Variants in CDH13 observed in about 807,000 individuals in gnomAD.
CDH13 encodes the protein cadherin-13.
A neutral mutation model predicts 63.8 loss-of-function variants in CDH13; 24 were observed. The ratio of observed to expected loss-of-function variants is 0.38; its 90% CI spans 0.27 to 0.53. The LOEUF (loss-of-function observed/expected upper bound fraction) is 0.53, where lower values mean the gene tolerates loss of function less well. Among genes scored for constraint, CDH13 ranks in the 20% least tolerant of loss-of-function variants. The probability of loss-of-function intolerance (pLI) is 0.85; values close to 1 mark genes in which losing one functional copy is unlikely to be tolerated. For missense variants in CDH13, 1,049 were observed against 903.1 expected (o/e 1.16, Z -2.07); for synonymous variants, 503 against 355.3 (o/e 1.42, Z -4.67).
intron 6 of CDH13, among the ~76,000 whole-genome samples, chr16:83,389,476 T>A (rs1373474835): frequency 6.6e-6 from 1 of 152,228 alleles, no homozygotes; most frequent in Non-Finnish European, 1.5e-5. Context: ...TAGGAGCCAA[T>A]CCAGATGGAT....
At position 83,080,874 on chromosome 16, in the gene CDH13, T is replaced by TTTTTTTTTTTG. The variant is rs2033190922; in HGVS notation, c.367-44501_367-44500insGTTTTTTTTTT. Among the ~76,000 whole-genome samples, 4 of 88,482 alleles carry TTTTTTTTTTTG rather than the reference T, an allele frequency of 4.5e-5. 2 individuals are homozygous for TTTTTTTTTTTG. Among genetic ancestry groups the TTTTTTTTTTTG allele is most frequent in the African/African-American group, 1.0e-4 (2 of 19,538 alleles). The allele number at this position is 88,482 out of a possible 152,430, so 58.0% of individuals were successfully genotyped here. A position where few individuals can be genotyped will look rare whatever the true frequency, so the allele number is the denominator to read the frequency against. On this transcript the variant is annotated intron_variant, in intron 3 of 13. Coordinates refer to ENST00000567109, the MANE Select transcript of CDH13 (RefSeq NM_001257.5). ...TAGAGTTTTGTTTTGTTTTTGTGTTTTTTTTTTTTTTTTTTTTTTTTTTTG... is the reference window on the plus strand; with the variant it reads ...TAGAGTTTTGTTTTGTTTTTGTGTTTTTTTTTTTTTGTTTTTTTTTTTTTTTTTTTTTTTTG...
At chr16:83,670,109 T>C (rs1197309820) in intron 8 of CDH13, among the ~76,000 whole-genome samples, 1 of 152,212 alleles carries the variant, frequency 6.6e-6, no homozygotes, top group Non-Finnish European at 1.5e-5. Flanking sequence ...GATGATTTCT[T>C]AGAAAATGGT....
chr16:83,061,984 C>A (rs1243032676), intron 3 of CDH13, among the ~76,000 whole-genome samples: 1 of 152,086 alleles, frequency 6.6e-6, no homozygotes, highest in Non-Finnish European at 1.5e-5. Flanking sequence ...GTGAGCTGGG[C>A]AGGGTGACAA....
At chr16:83,667,551 C>G (rs1914106915) in intron 8 of CDH13, among the ~76,000 whole-genome samples, 1 of 152,134 alleles carries the variant, frequency 6.6e-6, no homozygotes, top group Non-Finnish European at 1.5e-5. Context: ...AGGATCAGGG[C>G]TGAGTCATCC....
chr16:82,934,500 C>A (rs944055911), intron 2 of CDH13, among the ~76,000 whole-genome samples: 1 of 152,212 alleles, frequency 6.6e-6, no homozygotes, highest in Non-Finnish European at 1.5e-5. Context: ...GCAATTTCCC[C>A]ATTGTCTTGG....
rs367566858 is a variant in CDH13, at chr16:82,686,018, A to C, written c.45+58881A>C. On this transcript the variant is annotated intron_variant, in intron 1 of 13. Coordinates refer to ENST00000567109, the MANE Select transcript of CDH13 (RefSeq NM_001257.5). The stretch of plus-strand genomic sequence containing the variant: ...AAAGAGTACCATATTTCTCTTCTGC[A>C]TTATCCCTAGTGAATTACAATTTTT... 4.1e-4 allele frequency among the ~76,000 whole-genome samples: 62 copies of C among 152,316 alleles called. 1 individual carries two copies. Among genetic ancestry groups the C allele is most frequent in the African/African-American group, 1.3e-3 (54 of 41,564 alleles).
intron 4 of CDH13, among the ~76,000 whole-genome samples, chr16:83,172,224 C>T (rs2037950143): frequency 6.6e-6 from 1 of 152,142 alleles, no homozygotes; most frequent in African/African-American, 2.4e-5. Context: ...GGTACGGTGG[C>T]TCATGCCTGT....
chr16:83,476,671 T>C (rs898911463), intron 6 of CDH13, among the ~76,000 whole-genome samples: 5 of 152,110 alleles, frequency 3.3e-5, no homozygotes, highest in Admixed American at 2.6e-4. Context: ...AAAGCGAGAC[T>C]GTCTCAAAAA....
chr16:82,662,934 C>A (rs937222570), intron 1 of CDH13, among the ~76,000 whole-genome samples: 1 of 152,128 alleles, frequency 6.6e-6, no homozygotes, highest in Non-Finnish European at 1.5e-5. Context: ...TGCCTTCTCC[C>A]ATATGACAAA....
intron 2 of CDH13, among the ~76,000 whole-genome samples, chr16:82,885,757 A>G (rs776988107): frequency 6.6e-6 from 1 of 152,200 alleles, no homozygotes; most frequent in Admixed American, 6.5e-5. Flanking sequence ...TGTATGTATC[A>G]TGCACTTTCT....
intron 1 of CDH13, among the ~76,000 whole-genome samples, chr16:82,833,549 T>A (rs546760584): frequency 6.6e-6 from 1 of 152,352 alleles, no homozygotes; most frequent in Non-Finnish European, 1.5e-5. Context: ...AGTGCTTCCC[T>A]TCTGGACCTC....
intron 2 of CDH13, among the ~76,000 whole-genome samples, chr16:82,862,168 C>T (rs187633939): frequency 7.9e-5 from 12 of 152,238 alleles, no homozygotes; most frequent in South Asian, 6.2e-4. Flanking sequence ...TCCCCAAACA[C>T]GACAATTGTG....
chr16:83,613,367 G>T (rs903175789), intron 8 of CDH13, among the ~76,000 whole-genome samples: 1 of 151,920 alleles, frequency 6.6e-6, no homozygotes, highest in Admixed American at 6.6e-5. Context: ...TCTTCACTGG[G>T]ACCCTAATTT....
intron 1 of CDH13, among the ~76,000 whole-genome samples, chr16:82,695,776 T>C (rs777539580): frequency 5.9e-5 from 9 of 152,226 alleles, no homozygotes; most frequent in Non-Finnish European, 1.2e-4. Context: ...TGCTATACCA[T>C]GCAGCCTGGT....
intron 2 of CDH13, among the ~76,000 whole-genome samples, chr16:82,881,716 C>G (rs945172213): frequency 1.3e-5 from 2 of 152,184 alleles, no homozygotes; most frequent in Admixed American, 6.5e-5. Context: ...TCCATAGTCA[C>G]TATTGCCCTT....
intron 7 of CDH13, among the ~76,000 whole-genome samples, chr16:83,544,467 C>G (rs1328890314): frequency 6.6e-6 from 1 of 152,094 alleles, no homozygotes; most frequent in East Asian, 1.9e-4. Flanking sequence ...AACGCCATAG[C>G]TTAGCCTACC....
rs375538547 is a variant in CDH13 at position 83,125,449 on chromosome 16, C to A, written c.431C>A (p.Pro144His). 6.2e-7 allele frequency: 1 copy of A among 1,612,276 alleles called. No homozygotes were observed. Among genetic ancestry groups the A allele is most frequent in the Non-Finnish European group, 8.5e-7 (1 of 1,178,574 alleles). ...PRQKRSIVVS[P>H]ILIPENQRQP... ...CAAAAGAGGTCCATTGTGGTATCTC[C>A]CATTTTAATTCCAGAGAATCAGAGA... The change falls in exon 4 of 14, where the codon CCC becomes CAC. Residue 144 changes from proline to histidine, a missense_variant. Transcript: ENST00000567109.
intron 10 of CDH13, among the ~76,000 whole-genome samples, chr16:83,740,644 T>C (rs1483463042): frequency 6.6e-6 from 1 of 152,152 alleles, no homozygotes; most frequent in African/African-American, 2.4e-5. Flanking sequence ...CATGCAGATG[T>C]CCACAGGATT....
At chr16:82,676,494 T>C (rs1913921904) in intron 1 of CDH13, among the ~76,000 whole-genome samples, 2 of 149,110 alleles carry the variant, frequency 1.3e-5, no homozygotes, top group African/African-American at 4.9e-5. Context: ...TTCTTTTTTT[T>C]TTTTTTTTTT....
Sources: allele counts gnomAD v4.1 joint callset (sites outside exome capture counted in the v4.1 genomes callset), GRCh38; gene constraint gnomAD v4.1.1; transcripts MANE v1.5; gene names NCBI Gene and HGNC (gene_info 2026-07-23, HGNC 2026-07-21).